XPNPEP3: variants seen among roughly 807,000 people sequenced by gnomAD.
The protein encoded by XPNPEP3 is X-prolyl aminopeptidase 3.
A neutral mutation model predicts 60.0 loss-of-function variants in XPNPEP3; 41 were observed. The ratio of observed to expected loss-of-function variants is 0.68; its 90% CI spans 0.53 to 0.89. The LOEUF is 0.89. XPNPEP3 is among the 40% of genes least tolerant of loss of function. The pLI is 0.00. For synonymous variants in XPNPEP3, 212 were observed against 223.2 expected, an observed-to-expected ratio of 0.95 and a Z score of 0.45; for missense variants, 598 against 638.9, an observed-to-expected ratio of 0.94 and a Z score of 0.69.
chr22:40,910,971 G>A (rs796975720), intron 6 of XPNPEP3, among the ~76,000 whole-genome samples: 4 of 152,206 alleles, frequency 2.6e-5, no homozygotes, highest in African/African-American at 9.6e-5. Flanking sequence ...TCGCGCCACT[G>A]TACTCCAGCC....
At chr22:40,888,654 A>G (rs1257798330) in intron 4 of XPNPEP3, among the ~76,000 whole-genome samples, 2 of 141,400 alleles carry the variant, frequency 1.4e-5, no homozygotes, top group African/African-American at 5.3e-5. Flanking sequence ...TTTTTTTACT[A>G]TTGTGAATAA....
intron 2 of XPNPEP3, among the ~76,000 whole-genome samples, chr22:40,870,699 G>A (rs2145776054): frequency 6.6e-6 from 1 of 152,260 alleles, no homozygotes; most frequent in Non-Finnish European, 1.5e-5. Flanking sequence ...AGTGATTGTA[G>A]GGTGAAGCAG....
chr22:40,912,939 T>C (rs1345740019), intron 6 of XPNPEP3, among the ~76,000 whole-genome samples: 1 of 152,154 alleles, frequency 6.6e-6, no homozygotes, highest in East Asian at 1.9e-4. Flanking sequence ...CAGAAATTTA[T>C]TCCATCTTTT....
At chr22:40,895,230 C>T (rs2058103140) in intron 4 of XPNPEP3, among the ~76,000 whole-genome samples, 1 of 152,174 alleles carries the variant, frequency 6.6e-6, no homozygotes, top group South Asian at 2.1e-4. Flanking sequence ...CCCCTGGTAG[C>T]ATGCTGCATA....
chr22:40,862,651 C>T, intron 1 of XPNPEP3: 1 of 985,408 alleles, frequency 1.0e-6, no homozygotes, highest in South Asian at 4.7e-5. Flanking sequence ...AGGAAGTAGC[C>T]TGATATGTTA....
intron 7 of XPNPEP3, chr22:40,917,389 G>T (rs1207824906): frequency 6.7e-6 from 1 of 150,238 alleles, no homozygotes; most frequent in Non-Finnish European, 1.5e-5. Flanking sequence ...TGTAAAAAAA[G>T]GAAACAATTT....
chr22:40,911,213 A>G (rs1021630196), intron 6 of XPNPEP3, among the ~76,000 whole-genome samples: 4 of 152,064 alleles, frequency 2.6e-5, no homozygotes, highest in African/African-American at 4.8e-5. Flanking sequence ...TTAATTACCA[A>G]TGAAATTGAG....
intron 1 of XPNPEP3, chr22:40,859,984 T>C (rs577976761): frequency 2.0e-5 from 3 of 152,350 alleles, no homozygotes; most frequent in Admixed American, 1.3e-4. Context: ...CCATACAGAC[T>C]GCTCTGAGGA....
rs550470115 is a variant in XPNPEP3, at chr22:40,862,853, A to G, written c.64+5608A>G. On this transcript the variant is annotated intron_variant, in intron 1 of 9. Transcript: ENST00000357137. ...GTGATAGCAGTATTGAACAAAAGAC[A>G]CCAGTTTTCCTGGTGCTTGCATTAT... 9.2e-4 allele frequency: 546 copies of G among 595,116 alleles called. 1 individual carries two copies. Among genetic ancestry groups the G allele is most frequent in the Non-Finnish European group, 1.1e-3 (514 of 473,536 alleles). 36.9% of individuals were successfully genotyped at this position (595,116 alleles called of 1,614,324 possible).
At position 40,866,080 on chromosome 22, in the gene XPNPEP3, T is replaced by G. The variant is rs762368497; in HGVS notation, c.65-2919T>G. On this transcript the variant is annotated intron_variant, in intron 1 of 9. Transcript: ENST00000357137. ...CAATAAATATCTCAGGCTTTCCTGT[T>G]GCATGTAGTGGTACAACCATTTATT... Among the ~76,000 whole-genome samples, 13 of 152,198 alleles carry G rather than the reference T, an allele frequency of 8.5e-5. 1 individual carries two copies. Among genetic ancestry groups the G allele is most frequent in the Non-Finnish European group, 8.8e-5 (6 of 68,034 alleles).
At chr22:40,867,470 AT>A (rs2057984117) in intron 1 of XPNPEP3, among the ~76,000 whole-genome samples, 1 of 152,214 alleles carries the variant, frequency 6.6e-6, no homozygotes, top group Admixed American at 6.6e-5. Context: ...TTTGTAGAAG[AT>A]TGTTTAGAAA....
intron 1 of XPNPEP3, among the ~76,000 whole-genome samples, chr22:40,867,089 G>A (rs1370964008): frequency 6.6e-6 from 1 of 152,220 alleles, no homozygotes; most frequent in East Asian, 1.9e-4. Flanking sequence ...GCTGGAGGGA[G>A]ATGAAAAGAT....
rs922134920 is a variant in XPNPEP3 at position 40,927,954 on chromosome 22, A to G, written c.*1519A>G. 1 of 151,512 alleles carries G rather than the reference A, an allele frequency of 6.6e-6. No homozygotes were observed. The highest frequency in any genetic ancestry group is 1.5e-5 in the Non-Finnish European group (1 of 67,998). The allele number at this position is 151,512 out of a possible 1,614,324, so 9.4% of individuals were successfully genotyped here. ...TGCTCCCTCTATAGATTCTTAATGC[A>G]CTGACCCTCACAGGTTACCCTTTTA... On this transcript the variant is annotated 3_prime_UTR_variant, in exon 10 of 10. Transcript: ENST00000357137.
At chr22:40,888,855 A>G (rs1002606839) in intron 4 of XPNPEP3, among the ~76,000 whole-genome samples, 8 of 152,088 alleles carry the variant, frequency 5.3e-5, no homozygotes, top group South Asian at 2.1e-4. Flanking sequence ...AAGGGTTTCA[A>G]TTTCTCCACT....
Position 40,922,192 on chromosome 22 carries a change from A to G in XPNPEP3, c.1056-141A>G, listed in dbSNP as rs1182016356. Reference sequence around the variant, plus strand: ...AGGACATGATTGAGCTCCTGGCCATATTGATAGATTGGTACTTATTAAACA... The same window carrying G: ...AGGACATGATTGAGCTCCTGGCCATGTTGATAGATTGGTACTTATTAAACA... On this transcript the variant is annotated intron_variant, in intron 7 of 9. Transcript: ENST00000357137. 3 of 931,964 alleles carry G rather than the reference A, an allele frequency of 3.2e-6. No homozygotes were observed. In the East Asian group the frequency reaches 7.5e-5, roughly 23 times the overall value. The allele number at this position is 931,964 out of a possible 1,614,324, so 57.7% of individuals were successfully genotyped here. A position where few individuals can be genotyped will look rare whatever the true frequency, so the allele number is the denominator to read the frequency against.
chr22:40,860,640 G>C, intron 1 of XPNPEP3: 1 of 1,311,854 alleles, frequency 7.6e-7, no homozygotes, highest in Admixed American at 2.6e-5. Context: ...AAAACTCATT[G>C]CAGTTTTCCA....
chr22:40,910,098 T>C (rs930899965), intron 6 of XPNPEP3, among the ~76,000 whole-genome samples: 1 of 150,550 alleles, frequency 6.6e-6, no homozygotes, highest in Non-Finnish European at 1.5e-5. Context: ...GAAAAAAATA[T>C]AGCAAACATG....
chr22:40,897,747 CTTG>C (rs2058114720), intron 4 of XPNPEP3, among the ~76,000 whole-genome samples: 1 of 152,146 alleles, frequency 6.6e-6, no homozygotes, highest in South Asian at 2.1e-4. Flanking sequence ...CCAATCGATA[CTTG>C]TTATTTTCTG....
At chr22:40,919,446 T>C (rs1176382913) in intron 7 of XPNPEP3, among the ~76,000 whole-genome samples, 1 of 152,164 alleles carries the variant, frequency 6.6e-6, no homozygotes, top group Non-Finnish European at 1.5e-5. Flanking sequence ...TCTCAGCTAC[T>C]TGGTTGGCTG....
Sources: gnomAD v4.1 joint callset for allele counts (sites outside exome capture counted in the v4.1 genomes callset) on GRCh38, gnomAD v4.1.1 for gene constraint, MANE v1.5 for transcripts, NCBI Gene and HGNC (gene_info 2026-07-23, HGNC 2026-07-21) for gene names.